LRRC4C: variants seen among roughly 807,000 people sequenced by gnomAD.
LRRC4C encodes the protein leucine rich repeat containing 4C, also known as leucine-rich repeat-containing protein 4C.
Under a neutral mutation model 33.6 loss-of-function variants are expected in LRRC4C, and 5 were observed. The ratio of observed to expected loss-of-function variants is 0.15; its 90% CI spans 0.08 to 0.31. The LOEUF (loss-of-function observed/expected upper bound fraction) is 0.31. LRRC4C is among the 10% of genes least tolerant of loss of function. The probability of loss-of-function intolerance (pLI) is 1.00; values close to 1 mark genes in which losing one functional copy is unlikely to be tolerated. For synonymous variants in LRRC4C, 329 were observed against 302.0 expected (o/e 1.09, Z -0.93); for missense variants, 560 against 796.7 (o/e 0.70, Z 3.58).
intron 4 of LRRC4C, chr11:40,293,209 CG>C (rs993013358): frequency 4.5e-5 from 5 of 110,612 alleles, no homozygotes; most frequent in Non-Finnish European, 9.9e-5. Flanking sequence ...GGGGCGGGGG[CG>C]GGGGCGGGGG....
chr11:40,249,075 C>T (rs536937544), intron 4 of LRRC4C, among the ~76,000 whole-genome samples: 6 of 152,202 alleles, frequency 3.9e-5, no homozygotes, highest in South Asian at 2.1e-4. Flanking sequence ...TGGTGGCTCA[C>T]GCCTGTCATC....
In LRRC4C at chr11:41,448,122, G is replaced by GTTTTTTTT. The variant is rs71063918; in HGVS notation, c.-496+11301_-496+11308dup. Among the ~76,000 whole-genome samples the GTTTTTTTT allele has an allele frequency of 3.3e-3, 157 of 46,896 alleles. 15 individuals are homozygous for GTTTTTTTT. Among genetic ancestry groups the GTTTTTTTT allele is most frequent in the African/African-American group, 6.8e-3 (88 of 12,914 alleles). The allele number at this position is 46,896 out of a possible 152,430, so 30.8% of individuals were successfully genotyped here. On this transcript the variant is annotated intron_variant, in intron 1 of 6. Transcript: ENST00000528697. ...ACAAACGAGGCTGCTGCACACGTCT[G>GTTTTTTTT]TTTTTTTTTTTTTTTTTTTTGGAGC... is the stretch of plus-strand genomic sequence containing the variant.
intron 1 of LRRC4C, among the ~76,000 whole-genome samples, chr11:41,254,072 C>T (rs1948724139): frequency 6.6e-6 from 1 of 151,992 alleles, no homozygotes; most frequent in Admixed American, 6.6e-5. Context: ...GTAAGATATT[C>T]ACCAGTGTCC....
chr11:40,576,942 T>C (rs1277545803), intron 3 of LRRC4C, among the ~76,000 whole-genome samples: 2 of 152,196 alleles, frequency 1.3e-5, no homozygotes, highest in Non-Finnish European at 2.9e-5. Context: ...CCTTTGAGGC[T>C]TGATTATGGT....
chr11:41,331,608 G>A (rs868086479), intron 1 of LRRC4C, among the ~76,000 whole-genome samples: 5 of 152,054 alleles, frequency 3.3e-5, no homozygotes, highest in Non-Finnish European at 7.4e-5. Flanking sequence ...TCCAACTCAA[G>A]GCACTTGCTT....
chr11:41,362,302 T>A (rs1464649535), intron 1 of LRRC4C, among the ~76,000 whole-genome samples: 1 of 151,956 alleles, frequency 6.6e-6, no homozygotes, highest in Non-Finnish European at 1.5e-5. Context: ...AAAAAAACAT[T>A]TTTTCAGTGG....
At chr11:41,101,181 C>T (rs554076794) in intron 1 of LRRC4C, among the ~76,000 whole-genome samples, 3 of 152,188 alleles carry the variant, frequency 2.0e-5, no homozygotes, top group South Asian at 2.1e-4. Context: ...AGAGCTTCTG[C>T]ACAGCAAAAT....
intron 2 of LRRC4C, among the ~76,000 whole-genome samples, chr11:40,890,168 C>A (rs1451107140): frequency 6.6e-6 from 1 of 152,146 alleles, no homozygotes; most frequent in Non-Finnish European, 1.5e-5. Flanking sequence ...ACATACCCTG[C>A]ATATCTTTGT....
intron 3 of LRRC4C, among the ~76,000 whole-genome samples, chr11:40,349,143 C>T (rs1250595549): frequency 6.6e-6 from 1 of 152,102 alleles, no homozygotes; most frequent in Non-Finnish European, 1.5e-5. Context: ...TCCTGTTGTG[C>T]TATCAAATAC....
chr11:41,396,959 G>A (rs528863579), intron 1 of LRRC4C, among the ~76,000 whole-genome samples: 52 of 152,094 alleles, frequency 3.4e-4, no homozygotes, highest in African/African-American at 1.3e-3. Context: ...ATAGTTTTAA[G>A]TATTTCACAT....
chr11:41,041,929 G>T (rs1216497170), intron 1 of LRRC4C, among the ~76,000 whole-genome samples: 4 of 152,094 alleles, frequency 2.6e-5, no homozygotes, highest in Admixed American at 2.0e-4. Context: ...GATCTGATTT[G>T]TTGGCCTTCT....
chr11:40,812,005 C>A (rs1591785334), intron 2 of LRRC4C, among the ~76,000 whole-genome samples: 1 of 152,292 alleles, frequency 6.6e-6, no homozygotes, highest in East Asian at 1.9e-4. Flanking sequence ...TTAATTCCAA[C>A]CTTCATGCAC....
chr11:41,202,267 T>C (rs1335865142), intron 1 of LRRC4C, among the ~76,000 whole-genome samples: 6 of 152,198 alleles, frequency 3.9e-5, no homozygotes, highest in Admixed American at 6.5e-5. Context: ...TTCTGTTTGA[T>C]GCACAGAGGA....
chr11:41,308,220 A>G (rs1333332117), intron 1 of LRRC4C, among the ~76,000 whole-genome samples: 1 of 152,202 alleles, frequency 6.6e-6, no homozygotes, highest in Non-Finnish European at 1.5e-5. Context: ...GTTACTTCCA[A>G]AGGTTAAAAC....
intron 1 of LRRC4C, among the ~76,000 whole-genome samples, chr11:41,283,538 C>G (rs918312498): frequency 6.6e-5 from 10 of 152,140 alleles, no homozygotes; most frequent in Non-Finnish European, 1.3e-4. Context: ...TCTATTCTGA[C>G]CTGTGAAAAT....
intron 1 of LRRC4C, among the ~76,000 whole-genome samples, chr11:40,982,790 A>G (rs1852636101): frequency 6.6e-6 from 1 of 152,018 alleles, no homozygotes. Flanking sequence ...CCTCGTATCC[A>G]TTAGTTATTT....
intron 1 of LRRC4C, among the ~76,000 whole-genome samples, chr11:40,949,740 C>T (rs1958604304): frequency 6.6e-6 from 1 of 151,888 alleles, no homozygotes; most frequent in Admixed American, 6.6e-5. Flanking sequence ...AAGGAACAAC[C>T]AGTACCAGCT....
chr11:40,886,738 AT>A (rs1401892771), intron 2 of LRRC4C, among the ~76,000 whole-genome samples: 13 of 151,938 alleles, frequency 8.6e-5, no homozygotes, highest in African/African-American at 2.9e-4. Context: ...TATAAACTCT[AT>A]ACTAAATGAA....
chr11:41,279,783 A>G (rs1382039498), intron 1 of LRRC4C, among the ~76,000 whole-genome samples: 1 of 152,138 alleles, frequency 6.6e-6, no homozygotes, highest in Non-Finnish European at 1.5e-5. Flanking sequence ...ATCTTTAATT[A>G]CTAATGCAGA....
Sources: allele counts gnomAD v4.1 joint callset (sites outside exome capture counted in the v4.1 genomes callset), GRCh38; gene constraint gnomAD v4.1.1; transcripts MANE v1.5; gene names NCBI Gene and HGNC (gene_info 2026-07-23, HGNC 2026-07-21).